Variants in RASGRF2 observed in about 807,000 individuals in gnomAD.
The protein encoded by RASGRF2 is Ras protein specific guanine nucleotide releasing factor 2.
Under a neutral mutation model 151.0 loss-of-function variants are expected in RASGRF2, and 76 were observed. The ratio of observed to expected loss-of-function variants is 0.50; its 90% confidence interval spans 0.42 to 0.61. RASGRF2 has a LOEUF of 0.61. Ranked by LOEUF, RASGRF2 falls within the 20% of genes least tolerant of loss-of-function variation. The probability of loss-of-function intolerance (pLI) is 0.00; values close to 1 mark genes in which losing one functional copy is unlikely to be tolerated. For synonymous variants in RASGRF2, 504 were observed against 566.5 expected, an observed-to-expected ratio of 0.89 and a Z score of 1.57; for missense variants, 1,148 against 1,564.6, an observed-to-expected ratio of 0.73 and a Z score of 4.49.
chr5:81,206,927 T>A (rs1174618841), intron 20 of RASGRF2, 22 bp downstream of exon 20: 1 of 1,559,134 alleles, frequency 6.4e-7, no homozygotes, highest in East Asian at 2.2e-5. Context: ...CACATTTTTA[T>A]CTAGCACAAC....
chr5:81,090,259 AGG>A (rs1465948513), intron 9 of RASGRF2, among the ~76,000 whole-genome samples: 10 of 152,236 alleles, frequency 6.6e-5, no homozygotes, highest in African/African-American at 2.4e-4. Flanking sequence ...ATTAAGAATA[AGG>A]GGCATAGTCT....
chr5:81,204,160 G>A (rs1755454262), intron 19 of RASGRF2: 1 of 152,196 alleles, frequency 6.6e-6, no homozygotes, highest in African/African-American at 2.4e-5. Flanking sequence ...GGTAGTGATG[G>A]TGGTGGGGAA....
At chr5:81,118,344 C>T (rs1303821856) in intron 15 of RASGRF2, among the ~76,000 whole-genome samples, 4 of 152,184 alleles carry the variant, frequency 2.6e-5, no homozygotes, top group Admixed American at 6.5e-5. Context: ...CCCTCTGGTG[C>T]GGTGGCCGAA....
At chr5:81,087,033 CT>C in intron 9 of RASGRF2, 80 bp downstream of exon 9, 1 of 1,324,542 alleles carries the variant, frequency 7.5e-7, no homozygotes, top group Non-Finnish European at 1.1e-6. Context: ...GGAAGGCGTT[CT>C]GAACAGGCGT....
At chr5:81,100,891 C>G (rs541263210) in intron 12 of RASGRF2, among the ~76,000 whole-genome samples, 1 of 152,272 alleles carries the variant, frequency 6.6e-6, no homozygotes, top group South Asian at 2.1e-4. Context: ...TTAGAAGTAT[C>G]AAGAAGGTGG....
intron 17 of RASGRF2, among the ~76,000 whole-genome samples, chr5:81,154,746 A>T (rs1225682515): frequency 6.6e-6 from 1 of 152,218 alleles, no homozygotes; most frequent in Middle Eastern, 3.2e-3. Flanking sequence ...TCAAAGAAAA[A>T]ATAGATATTT....
At chr5:81,037,378 G>T (rs1365694067) in intron 1 of RASGRF2, among the ~76,000 whole-genome samples, 1 of 152,096 alleles carries the variant, frequency 6.6e-6, no homozygotes, top group Admixed American at 6.6e-5. Context: ...GATATTAAAG[G>T]TGTTGCTCTA....
intron 25 of RASGRF2, among the ~76,000 whole-genome samples, chr5:81,219,254 T>G (rs1755808253): frequency 6.6e-6 from 1 of 151,932 alleles, no homozygotes; most frequent in Admixed American, 6.6e-5. Flanking sequence ...AATTTTTGTA[T>G]TATTAGTAGA....
At chr5:80,990,272 T>G (rs1748609271) in intron 1 of RASGRF2, among the ~76,000 whole-genome samples, 1 of 151,976 alleles carries the variant, frequency 6.6e-6, no homozygotes, top group Non-Finnish European at 1.5e-5. Flanking sequence ...TTGATTAAAC[T>G]GCACAAAGGC....
chr5:81,090,116 C>G (rs182981406), intron 9 of RASGRF2, among the ~76,000 whole-genome samples: 2 of 152,298 alleles, frequency 1.3e-5, no homozygotes, highest in Admixed American at 1.3e-4. Flanking sequence ...TTCCTAGACT[C>G]TAAGTCATGC....
rs936976030 is a variant in RASGRF2, at chr5:81,043,491, AT to A, written c.395+511del. ...TCAAAAGAAGGGGATGACATCCTCT[AT>A]TTAAAGAAATAGAACACTGTGATTT... On this transcript the variant is annotated intron_variant, in intron 2 of 26. Transcript: ENST00000265080. Among the ~76,000 whole-genome samples, 54 of 152,318 alleles carry A rather than the reference AT, an allele frequency of 3.5e-4. 1 individual carries two copies. The highest frequency in any genetic ancestry group is 1.2e-3 in the African/African-American group (51 of 41,570).
chr5:81,043,207 G>A (rs1334545889), intron 2 of RASGRF2, among the ~76,000 whole-genome samples: 1 of 152,178 alleles, frequency 6.6e-6, no homozygotes, highest in African/African-American at 2.4e-5. Context: ...AGTAGTAGTA[G>A]TCACTTTTGT....
At chr5:81,062,006 A>AC (rs1751452572) in intron 2 of RASGRF2, among the ~76,000 whole-genome samples, 3 of 142,958 alleles carry the variant, frequency 2.1e-5, no homozygotes, top group Non-Finnish European at 3.0e-5. Context: ...ACAAAAAAAA[A>AC]AAAAAAAAAA....
At chr5:80,989,021 A>G (rs112835387) in intron 1 of RASGRF2, among the ~76,000 whole-genome samples, 34 of 151,806 alleles carry the variant, frequency 2.2e-4, no homozygotes, top group African/African-American at 8.2e-4. Flanking sequence ...TCTGTCGCCC[A>G]GGTTGGTGTG....
intron 2 of RASGRF2, among the ~76,000 whole-genome samples, chr5:81,046,229 C>G (rs921263082): frequency 2.5e-4 from 38 of 152,142 alleles, no homozygotes; most frequent in African/African-American, 8.2e-4. Context: ...TCAGTACCAG[C>G]CTGGGTGTGC....
chr5:81,036,179 ACTTAC>A (rs1750486158), intron 1 of RASGRF2, among the ~76,000 whole-genome samples: 1 of 152,146 alleles, frequency 6.6e-6, no homozygotes, highest in South Asian at 2.1e-4. Flanking sequence ...TTTTCCTGGT[ACTTAC>A]CTTCATATTT....
chr5:81,195,115 G>A (rs1755234138), intron 18 of RASGRF2, among the ~76,000 whole-genome samples: 1 of 152,178 alleles, frequency 6.6e-6, no homozygotes, highest in Non-Finnish European at 1.5e-5. Flanking sequence ...CTCTCCTGGC[G>A]CATGAGGCTT....
intron 5 of RASGRF2, among the ~76,000 whole-genome samples, chr5:81,075,493 C>T (rs1056433095): frequency 6.6e-6 from 1 of 152,140 alleles, no homozygotes; most frequent in African/African-American, 2.4e-5. Context: ...CTACCTGGAG[C>T]CTTCCCCCAT....
intron 9 of RASGRF2, chr5:81,087,869 A>G: frequency 6.4e-6 from 1 of 157,118 alleles, no homozygotes; most frequent in Non-Finnish European, 1.4e-5. Context: ...ATTGCCTACC[A>G]TAATGTACTG....
Sources: allele counts gnomAD v4.1 joint callset (sites outside exome capture counted in the v4.1 genomes callset), GRCh38; gene constraint gnomAD v4.1.1; transcripts MANE v1.5; gene names NCBI Gene and HGNC (gene_info 2026-07-23, HGNC 2026-07-21).